ZNF674: variants seen among roughly 807,000 people sequenced by gnomAD.
ZNF674 encodes zinc finger protein 674, also known as zinc finger family member 674.
ZNF674 carries 2 observed loss-of-function variants against 7.0 expected under a neutral mutation model. The observed-to-expected ratio is 0.29, with a 90% confidence interval of 0.12 to 0.90. ZNF674 has a LOEUF of 0.90. Among genes scored for constraint, ZNF674 ranks in the 40% least tolerant of loss-of-function variants. The pLI is 0.57. For missense variants in ZNF674, 297 were observed against 415.5 expected (o/e 0.71, Z 2.48); for synonymous variants, 103 against 145.2 (o/e 0.71, Z 2.09).
At chrX:46,502,135 G>A (rs1036576826) in intron 5 of ZNF674, among the ~76,000 whole-genome samples, 3 of 109,061 alleles carry the variant, frequency 2.8e-5, no homozygotes, top group Admixed American at 9.9e-5. Flanking sequence ...GTGAAACCCT[G>A]TCTCTACTAA....
intron 5 of ZNF674, among the ~76,000 whole-genome samples, chrX:46,514,406 A>C: frequency 9.0e-6 from 1 of 111,625 alleles, no homozygotes; most frequent in Non-Finnish European, 1.9e-5. Context: ...CACACACTCC[A>C]CAAGCCAGAT....
chrX:46,537,683 T>G (rs553115912), intron 3 of ZNF674, among the ~76,000 whole-genome samples: 1 of 112,519 alleles, frequency 8.9e-6, no homozygotes, highest in South Asian at 3.6e-4. Context: ...TGCAGGTATT[T>G]TCTCTCAGCT....
At chrX:46,525,944 T>G (rs1942003464) in intron 5 of ZNF674, among the ~76,000 whole-genome samples, 2 of 112,082 alleles carry the variant, frequency 1.8e-5, no homozygotes, top group South Asian at 7.3e-4. Context: ...TGTGAAAGAC[T>G]TATGCATTCA....
At chrX:46,508,140 A>G (rs1219297788) in intron 5 of ZNF674, among the ~76,000 whole-genome samples, 1 of 111,699 alleles carries the variant, frequency 9.0e-6, no homozygotes, top group Non-Finnish European at 1.9e-5. Context: ...TAGAAAAATG[A>G]CCAGAATTGA....
At chrX:46,539,938 GCAGA>G (rs1181019235) in intron 3 of ZNF674, among the ~76,000 whole-genome samples, 1 of 112,394 alleles carries the variant, frequency 8.9e-6, no homozygotes, top group Non-Finnish European at 1.9e-5. Context: ...ACAGGAGTGA[GCAGA>G]CAAAGAGATT....
intron 5 of ZNF674, among the ~76,000 whole-genome samples, chrX:46,512,765 C>CAAA (rs59242903): frequency 4.0e-5 from 3 of 74,857 alleles, no homozygotes; most frequent in African/African-American, 1.3e-4. Flanking sequence ...CTCCATCTCA[C>CAAA]AAAAAAAAAA....
chrX:46,525,905 CA>C (rs1190334239), intron 5 of ZNF674, among the ~76,000 whole-genome samples: 2 of 111,106 alleles, frequency 1.8e-5, no homozygotes, highest in Non-Finnish European at 3.8e-5. Flanking sequence ...CTTATAAGAA[CA>C]AAAAAAGCTG....
At chrX:46,520,137 C>T (rs781661529) in intron 5 of ZNF674, among the ~76,000 whole-genome samples, 3 of 111,536 alleles carry the variant, frequency 2.7e-5, no homozygotes, top group Non-Finnish European at 3.8e-5. Flanking sequence ...TGTGGTGGCT[C>T]GCGCCTGTAA....
At chrX:46,536,835 G>A (rs1481049347) in intron 3 of ZNF674, among the ~76,000 whole-genome samples, 1 of 112,245 alleles carries the variant, frequency 8.9e-6, no homozygotes, top group African/African-American at 3.2e-5. Context: ...CCCCAAAATG[G>A]TAGAACAACA....
chrX:46,542,331 A>G (rs1406078007), intron 2 of ZNF674, among the ~76,000 whole-genome samples: 2 of 112,383 alleles, frequency 1.8e-5, no homozygotes, highest in African/African-American at 6.5e-5. Context: ...ACTTGTGTCC[A>G]AAGCCATCTA....
intron 5 of ZNF674, among the ~76,000 whole-genome samples, chrX:46,515,466 A>G (rs1941747215): frequency 8.9e-6 from 1 of 111,778 alleles, no homozygotes; most frequent in African/African-American, 3.2e-5. Flanking sequence ...CAAACTTTTA[A>G]GGAAGAAAGA....
chrX:46,537,904 C>T (rs980779129), intron 3 of ZNF674, among the ~76,000 whole-genome samples: 2 of 111,437 alleles, frequency 1.8e-5, no homozygotes, highest in Non-Finnish European at 3.8e-5. Flanking sequence ...GCCTGGCCAG[C>T]AGGGTGAAAC....
intron 5 of ZNF674, among the ~76,000 whole-genome samples, chrX:46,513,480 C>A (rs1941703300): frequency 9.0e-6 from 1 of 111,693 alleles, no homozygotes; most frequent in Admixed American, 9.5e-5. Context: ...CACACACTAT[C>A]TGTAACATTA....
chrX:46,502,561 A>G (rs1037226008), intron 5 of ZNF674, among the ~76,000 whole-genome samples: 5 of 111,907 alleles, frequency 4.5e-5, no homozygotes, highest in African/African-American at 1.6e-4. Context: ...AAAACTCTAA[A>G]TAGGTTGAAC....
chrX:46,508,875 G>A (rs776655790), intron 5 of ZNF674, among the ~76,000 whole-genome samples: 6 of 110,820 alleles, frequency 5.4e-5, no homozygotes, highest in African/African-American at 2.0e-4. Context: ...CTGAGACAAT[G>A]GGGTTTTCTA....
chrX:46,515,960 G>T (rs1941756869), intron 5 of ZNF674, among the ~76,000 whole-genome samples: 1 of 111,208 alleles, frequency 9.0e-6, no homozygotes, highest in South Asian at 3.8e-4. Flanking sequence ...CCACAGTAAA[G>T]GGTTTAAAAT....
At chrX:46,518,960 T>C (rs1458524236) in intron 5 of ZNF674, among the ~76,000 whole-genome samples, 1 of 108,240 alleles carries the variant, frequency 9.2e-6, no homozygotes. Context: ...TCCCAGCACT[T>C]TGGGAGGCTG....
intron 5 of ZNF674, among the ~76,000 whole-genome samples, chrX:46,505,654 C>T (rs1268654280): frequency 4.5e-5 from 5 of 110,666 alleles, no homozygotes; most frequent in African/African-American, 1.6e-4. Flanking sequence ...GCCTATAATC[C>T]GAGCTACTTA....
intron 3 of ZNF674, among the ~76,000 whole-genome samples, chrX:46,538,380 A>G (rs1010495852): frequency 3.6e-5 from 4 of 111,758 alleles, no homozygotes; most frequent in African/African-American, 9.7e-5. Flanking sequence ...GACCACATTA[A>G]CAAAATGTAA....
Sources: gnomAD v4.1 joint callset for allele counts (sites outside exome capture counted in the v4.1 genomes callset) on GRCh38, gnomAD v4.1.1 for gene constraint, MANE v1.5 for transcripts, NCBI Gene and HGNC (gene_info 2026-07-23, HGNC 2026-07-21) for gene names.